The following PTPRD variants were observed in gnomAD, a reference collection of about 807,000 sequenced individuals.
The protein encoded by PTPRD is receptor-type tyrosine-protein phosphatase delta.
A neutral mutation model predicts 214.5 loss-of-function variants in PTPRD; 34 were observed. That is an observed-to-expected ratio of 0.16 (90% CI 0.12 to 0.21). The LOEUF (loss-of-function observed/expected upper bound fraction) is 0.21, where lower values mean the gene tolerates loss of function less well. PTPRD is among the 10% of genes least tolerant of loss of function. The pLI, the probability that PTPRD is intolerant of heterozygous loss-of-function variation, is 1.00. For synonymous variants in PTPRD, 1,128 were observed against 845.7 expected (o/e 1.33, Z -5.79); for missense variants, 2,545 against 2,398.7 (o/e 1.06, Z -1.27).
At chr9:9,590,487 CTTA>C (rs570791027) in intron 7 of PTPRD, among the ~76,000 whole-genome samples, 2 of 151,920 alleles carry the variant, frequency 1.3e-5, no homozygotes, top group South Asian at 2.1e-4. Context: ...ACTACTTCTT[CTTA>C]TTATCTGTAT....
intron 11 of PTPRD, among the ~76,000 whole-genome samples, chr9:8,810,871 G>T (rs951267933): frequency 1.3e-5 from 2 of 152,300 alleles, no homozygotes; most frequent in African/African-American, 4.8e-5. Context: ...GATGAGGGAA[G>T]GCAGGGGCAT....
At chr9:9,017,828 A>C (rs1187256413) in intron 11 of PTPRD, among the ~76,000 whole-genome samples, 1 of 152,140 alleles carries the variant, frequency 6.6e-6, no homozygotes, top group African/African-American at 2.4e-5. Flanking sequence ...TAAGTGAAAA[A>C]GCAAAAATTT....
intron 5 of PTPRD, among the ~76,000 whole-genome samples, chr9:9,833,271 G>C (rs1012098813): frequency 6.6e-6 from 1 of 151,970 alleles, no homozygotes; most frequent in African/African-American, 2.4e-5. Context: ...AAATTTTAAA[G>C]CTGGGCATCC....
At chr9:9,281,948 C>G (rs926778082) in intron 9 of PTPRD, among the ~76,000 whole-genome samples, 2 of 151,194 alleles carry the variant, frequency 1.3e-5, no homozygotes, top group African/African-American at 4.8e-5. Flanking sequence ...AGTTATCAAG[C>G]CATGAAAAAA....
intron 3 of PTPRD, among the ~76,000 whole-genome samples, chr9:10,106,057 C>A (rs1229193627): frequency 6.9e-6 from 1 of 144,708 alleles, no homozygotes; most frequent in Non-Finnish European, 1.5e-5. Flanking sequence ...TTTGTAACTA[C>A]TCCTTTTCCC....
intron 12 of PTPRD, among the ~76,000 whole-genome samples, chr9:8,727,045 T>C (rs1006559664): frequency 1.3e-5 from 2 of 151,336 alleles, no homozygotes; most frequent in Non-Finnish European, 3.0e-5. Context: ...ATTAAAGAAG[T>C]TAAGAATGTT....
chr9:9,343,982 T>G (rs1216316284), intron 9 of PTPRD, among the ~76,000 whole-genome samples: 1 of 152,150 alleles, frequency 6.6e-6, no homozygotes, highest in Non-Finnish European at 1.5e-5. Context: ...TCTTCCTAAC[T>G]GAGCTTGCAC....
intron 7 of PTPRD, among the ~76,000 whole-genome samples, chr9:9,584,380 T>C (rs536144202): frequency 6.6e-6 from 1 of 151,372 alleles, no homozygotes; most frequent in Non-Finnish European, 1.5e-5. Flanking sequence ...TTATTATTAT[T>C]TGCTATGCTA....
chr9:9,280,265 C>T (rs1274683660), intron 9 of PTPRD, among the ~76,000 whole-genome samples: 1 of 151,184 alleles, frequency 6.6e-6, no homozygotes, highest in Non-Finnish European at 1.5e-5. Context: ...GAGTATAATT[C>T]TGGAACCCAA....
At chr9:10,045,749 C>A (rs1397963475) in intron 3 of PTPRD, among the ~76,000 whole-genome samples, 1 of 151,650 alleles carries the variant, frequency 6.6e-6, no homozygotes, top group African/African-American at 2.4e-5. Context: ...CCTCAGATAA[C>A]ATATCTCATA....
chr9:10,056,896 G>T (rs1164531042), intron 3 of PTPRD, among the ~76,000 whole-genome samples: 1 of 152,054 alleles, frequency 6.6e-6, no homozygotes, highest in Non-Finnish European at 1.5e-5. Context: ...TTTATAAATT[G>T]TTCAACCTTG....
At chr9:9,437,595 T>TATCA (rs1216391899) in intron 8 of PTPRD, among the ~76,000 whole-genome samples, 4 of 152,202 alleles carry the variant, frequency 2.6e-5, no homozygotes, top group South Asian at 2.1e-4. Context: ...GGAATTAGAC[T>TATCA]ATCACACTTC....
intron 9 of PTPRD, among the ~76,000 whole-genome samples, chr9:9,331,193 C>A (rs1030123033): frequency 1.1e-4 from 16 of 152,032 alleles, no homozygotes; most frequent in Non-Finnish European, 1.8e-4. Context: ...CTCTCCAAAA[C>A]CAGCTTTCAC....
intron 9 of PTPRD, among the ~76,000 whole-genome samples, chr9:9,333,504 T>TTATATATATATATATATA (rs3048057): frequency 8.0e-5 from 11 of 137,230 alleles, no homozygotes; most frequent in African/African-American, 2.9e-4. Flanking sequence ...ATATAGTATA[T>TTATATATATATATATATA]TATATATATA....
At chr9:9,342,663 C>A (rs2047244708) in intron 9 of PTPRD, among the ~76,000 whole-genome samples, 1 of 151,608 alleles carries the variant, frequency 6.6e-6, no homozygotes, top group African/African-American at 2.4e-5. Flanking sequence ...AATGTGGTTA[C>A]CTGAGTATCT....
At chr9:10,052,950 T>A (rs1486590897) in intron 3 of PTPRD, among the ~76,000 whole-genome samples, 1 of 152,064 alleles carries the variant, frequency 6.6e-6, no homozygotes, top group African/African-American at 2.4e-5. Flanking sequence ...TATATTATAT[T>A]TCAATAATTC....
At chr9:10,054,203 A>G (rs1249077807) in intron 3 of PTPRD, among the ~76,000 whole-genome samples, 2 of 152,230 alleles carry the variant, frequency 1.3e-5, no homozygotes, top group Non-Finnish European at 2.9e-5. Flanking sequence ...AATATTTGAC[A>G]GATATGTGGT....
chr9:9,142,205 C>T (rs570644564), intron 10 of PTPRD, among the ~76,000 whole-genome samples: 1 of 152,264 alleles, frequency 6.6e-6, no homozygotes, highest in South Asian at 2.1e-4. Flanking sequence ...CCCATAGAAG[C>T]CCTAGAAGAG....
At chr9:9,323,917 G>T (rs1285684708) in intron 9 of PTPRD, among the ~76,000 whole-genome samples, 3 of 152,102 alleles carry the variant, frequency 2.0e-5, no homozygotes, top group African/African-American at 4.8e-5. Context: ...TCAATGCCCA[G>T]CTATGAATGA....
Sources: allele counts gnomAD v4.1 joint callset (sites outside exome capture counted in the v4.1 genomes callset), GRCh38; gene constraint gnomAD v4.1.1; transcripts MANE v1.5; gene names NCBI Gene and HGNC (gene_info 2026-07-23, HGNC 2026-07-21).